PTCSC3: variants seen among roughly 807,000 people sequenced by gnomAD.
PTCSC3 encodes papillary thyroid carcinoma susceptibility candidate 3.
intron 3 of PTCSC3, among the ~76,000 whole-genome samples, chr14:36,138,101 A>G (rs1227082479): frequency 2.0e-5 from 3 of 152,176 alleles, no homozygotes; most frequent in African/African-American, 7.2e-5. Flanking sequence ...GCTAAATTAG[A>G]AAAACCAAGG....
chr14:36,157,647 G>C (rs957560831), intron 2 of PTCSC3, among the ~76,000 whole-genome samples: 5 of 151,846 alleles, frequency 3.3e-5, no homozygotes, highest in Non-Finnish European at 5.9e-5. Flanking sequence ...ATTAAATAGG[G>C]AATCCTTTCC....
chr14:36,135,593 T>A (rs937636782), downstream of PTCSC3, among the ~76,000 whole-genome samples: 1 of 152,210 alleles, frequency 6.6e-6, no homozygotes, highest in Non-Finnish European at 1.5e-5. Flanking sequence ...ACAGAGGCAC[T>A]GACTTCAAAA....
In PTCSC3 at chr14:36,162,258, GAA is replaced by G. The variant is rs58223160; in HGVS notation, n.231+364_231+365del. 4.7e-3 allele frequency among the ~76,000 whole-genome samples: 498 copies of G among 106,508 alleles called. 4 individuals carry two copies. Among genetic ancestry groups the G allele is most frequent in the African/African-American group, 0.023 (477 of 20,738 alleles). 69.9% of individuals were successfully genotyped at this position (106,508 alleles called of 152,430 possible). A position where few individuals can be genotyped will look rare whatever the true frequency, so the allele number is the denominator to read the frequency against. On this transcript the variant is annotated intron_variant and non_coding_transcript_variant, in intron 2 of 3. Coordinates refer to ENST00000556013, the Ensembl canonical transcript of PTCSC3. ...GCGTTCCAGGAGCTGCTGGGGTATG[GAA>G]AAAAAAAAAAAAAAAAAAAAAAAAA... is the stretch of plus-strand genomic sequence containing the variant.
In PTCSC3 at chr14:36,165,821, G is replaced by A. The variant is rs191383565; in HGVS notation, n.172-3138C>T. ...ATTTAGGGCAGTAGAAGAAGCCGTG[G>A]GAGGAACTTTCACATTTGGCGAGGC... On this transcript the variant is annotated intron_variant and non_coding_transcript_variant, in intron 1 of 3. Coordinates refer to ENST00000556013, the Ensembl canonical transcript of PTCSC3. Among the ~76,000 whole-genome samples, 429 of 151,756 alleles carry A rather than the reference G, an allele frequency of 2.8e-3. 2 individuals carry two copies. The highest frequency in any genetic ancestry group is 9.5e-3 in the African/African-American group (394 of 41,372).
intron 1 of PTCSC3, among the ~76,000 whole-genome samples, chr14:36,171,139 C>T (rs967161372): frequency 6.6e-6 from 1 of 151,982 alleles, no homozygotes; most frequent in Admixed American, 6.6e-5. Flanking sequence ...GATAAATGAA[C>T]GTTTGGAACA....
intron 2 of PTCSC3, among the ~76,000 whole-genome samples, chr14:36,160,888 A>G (rs562931687): frequency 6.6e-6 from 1 of 152,194 alleles, no homozygotes; most frequent in African/African-American, 2.4e-5. Context: ...GTCTTTTCAT[A>G]TAGTCCCATA....
chr14:36,173,259 G>T (rs1356482100), intron 1 of PTCSC3, among the ~76,000 whole-genome samples: 3 of 151,910 alleles, frequency 2.0e-5, no homozygotes, highest in Admixed American at 6.6e-5. Context: ...GTATATAGAA[G>T]AATTTTAAAA....
At chr14:36,171,229 C>T (rs1349266484) in intron 1 of PTCSC3, among the ~76,000 whole-genome samples, 1 of 152,020 alleles carries the variant, frequency 6.6e-6, no homozygotes, top group Admixed American at 6.6e-5. Context: ...TATCTCTTTC[C>T]AATGCTGAGG....
chr14:36,165,094 C>T (rs540816387), intron 1 of PTCSC3: 43 of 152,380 alleles, frequency 2.8e-4, no homozygotes, highest in Admixed American at 9.2e-4. Context: ...TCACAGCTGA[C>T]GAGTGAATAT....
chr14:36,168,292 G>C (rs143079748), intron 1 of PTCSC3, among the ~76,000 whole-genome samples: 29 of 147,032 alleles, frequency 2.0e-4, no homozygotes, highest in Admixed American at 4.8e-4. Flanking sequence ...ACACCCTCTC[G>C]TTAATAAAAC....
chr14:36,156,162 C>T (rs1161046431), intron 2 of PTCSC3, among the ~76,000 whole-genome samples: 3 of 152,198 alleles, frequency 2.0e-5, no homozygotes, highest in Non-Finnish European at 4.4e-5. Flanking sequence ...CATCACCGTA[C>T]GTCTCTGCTC....
At chr14:36,151,397 T>G (rs145449192) in intron 3 of PTCSC3, among the ~76,000 whole-genome samples, 33 of 152,280 alleles carry the variant, frequency 2.2e-4, no homozygotes, top group African/African-American at 7.0e-4. Context: ...TCTCTGAGCT[T>G]TCTCGATCTT....
At chr14:36,168,085 C>A (rs1882126732) in intron 1 of PTCSC3, among the ~76,000 whole-genome samples, 1 of 152,020 alleles carries the variant, frequency 6.6e-6, no homozygotes, top group African/African-American at 2.4e-5. Context: ...AAAGCTCTTG[C>A]CAATAATATT....
intron 1 of PTCSC3, among the ~76,000 whole-genome samples, chr14:36,174,150 G>A (rs910879726): frequency 1.3e-5 from 2 of 151,810 alleles, no homozygotes; most frequent in Non-Finnish European, 2.9e-5. Context: ...TGGGGAGTTC[G>A]GGGCCATGAT....
At chr14:36,172,429 TAAA>T (rs1234456474) in intron 1 of PTCSC3, among the ~76,000 whole-genome samples, 1 of 151,972 alleles carries the variant, frequency 6.6e-6, no homozygotes, top group East Asian at 1.9e-4. Flanking sequence ...AACAGGAAAA[TAAA>T]AAATGGTATC....
At chr14:36,167,130 C>G (rs775167781) in intron 1 of PTCSC3, among the ~76,000 whole-genome samples, 1 of 152,288 alleles carries the variant, frequency 6.6e-6, no homozygotes, top group Non-Finnish European at 1.5e-5. Context: ...AAAAGAGAAA[C>G]CATTTTAAAC....
chr14:36,161,629 C>T (rs1881958414), intron 2 of PTCSC3, among the ~76,000 whole-genome samples: 1 of 152,156 alleles, frequency 6.6e-6, no homozygotes, highest in Admixed American at 6.5e-5. Flanking sequence ...CAGATGCCAG[C>T]TGGAGCTCTC....
intron 3 of PTCSC3, among the ~76,000 whole-genome samples, chr14:36,138,167 A>G (rs1435059772): frequency 1.0e-5 from 1 of 98,014 alleles, no homozygotes; most frequent in African/African-American, 3.4e-5. Context: ...GACAAACTGA[A>G]TATCCATGTG....
At chr14:36,135,873 A>ATG (rs1566500312), downstream of PTCSC3, among the ~76,000 whole-genome samples, 2 of 150,366 alleles carry the variant, frequency 1.3e-5, no homozygotes, top group African/African-American at 4.9e-5. Context: ...ATATATATAT[A>ATG]TATGTGTGTG....
Sources: allele counts gnomAD v4.1 joint callset (sites outside exome capture counted in the v4.1 genomes callset), GRCh38; gene constraint gnomAD v4.1.1; transcripts MANE v1.5; gene names NCBI Gene and HGNC (gene_info 2026-07-23, HGNC 2026-07-21).